The following OPCML variants were observed in gnomAD, a reference collection of about 807,000 sequenced individuals.
OPCML encodes opioid-binding protein/cell adhesion molecule.
A neutral mutation model predicts 37.8 loss-of-function variants in OPCML; 13 were observed. That is an observed-to-expected ratio of 0.34 (90% confidence interval 0.22 to 0.55). The LOEUF (loss-of-function observed/expected upper bound fraction) is 0.55. Ranked by LOEUF, OPCML falls within the 20% of genes least tolerant of loss-of-function variation. The pLI is 0.91. For missense variants in OPCML, 341 were observed against 435.6 expected (o/e 0.78, Z 1.93); for synonymous variants, 176 against 168.8 (o/e 1.04, Z -0.33).
At chr11:133,000,853 G>T (rs569190052) in intron 1 of OPCML, among the ~76,000 whole-genome samples, 1 of 152,182 alleles carries the variant, frequency 6.6e-6, no homozygotes, top group East Asian at 1.9e-4. Context: ...AGTTCTTCAC[G>T]AATGATCTGG....
chr11:133,185,559 G>A (rs1413410543), intron 1 of OPCML, among the ~76,000 whole-genome samples: 3 of 152,202 alleles, frequency 2.0e-5, no homozygotes, highest in African/African-American at 7.2e-5. Context: ...CTTGAGCATA[G>A]GGAATAATCT....
intron 3 of OPCML, among the ~76,000 whole-genome samples, chr11:132,551,300 C>T (rs1427809287): frequency 6.6e-6 from 1 of 152,186 alleles, no homozygotes; most frequent in Non-Finnish European, 1.5e-5. Flanking sequence ...GAGATCTAAC[C>T]TAAGCAACTC....
At chr11:133,179,464 C>G (rs1592078213) in intron 1 of OPCML, among the ~76,000 whole-genome samples, 1 of 152,094 alleles carries the variant, frequency 6.6e-6, no homozygotes, top group Non-Finnish European at 1.5e-5. Context: ...CCTCACCACT[C>G]TACAGGGGAA....
At chr11:133,147,341 T>C (rs1456884693) in intron 1 of OPCML, among the ~76,000 whole-genome samples, 1 of 152,068 alleles carries the variant, frequency 6.6e-6, no homozygotes, top group Admixed American at 6.5e-5. Flanking sequence ...GTTATCACTT[T>C]TGATAGTCTG....
chr11:132,966,554 G>C (rs1313297363), intron 1 of OPCML, among the ~76,000 whole-genome samples: 1 of 151,706 alleles, frequency 6.6e-6, no homozygotes, highest in African/African-American at 2.4e-5. Context: ...CTTCATAGAT[G>C]TCTTTTGGTT....
rs566622893 is a variant in OPCML at position 132,472,037 on chromosome 11, T to C, written c.506-34678A>G. ...AAGATGGTTCTGGAAGGCCCTCCCT[T>C]TTCCTGGTGAACAAATATTCCACAT... On this transcript the variant is annotated intron_variant, in intron 4 of 7. Coordinates refer to ENST00000524381, the MANE Select transcript of OPCML (RefSeq NM_001012393.5). Among the ~76,000 whole-genome samples the C allele has an allele frequency of 2.6e-5, 4 of 152,296 alleles. No individual in the cohort carries two copies. In the East Asian group the frequency reaches 7.7e-4, roughly 29 times the overall value.
chr11:133,091,617 G>C (rs564970527), intron 1 of OPCML, among the ~76,000 whole-genome samples: 1 of 152,218 alleles, frequency 6.6e-6, no homozygotes, highest in South Asian at 2.1e-4. Flanking sequence ...CTAGAGTTTT[G>C]GATTCTCTTG....
intron 3 of OPCML, among the ~76,000 whole-genome samples, chr11:132,643,264 G>A (rs1940961559): frequency 6.6e-6 from 1 of 152,160 alleles, no homozygotes; most frequent in Admixed American, 6.5e-5. Context: ...GTGACAGCGT[G>A]AGACTCCATC....
chr11:132,699,943 A>G (rs941568098), intron 2 of OPCML, among the ~76,000 whole-genome samples: 1 of 152,112 alleles, frequency 6.6e-6, no homozygotes, highest in Non-Finnish European at 1.5e-5. Flanking sequence ...GACATTTAGT[A>G]TAATTCACCA....
intron 2 of OPCML, among the ~76,000 whole-genome samples, chr11:132,744,160 A>G (rs1463624240): frequency 2.6e-5 from 4 of 152,232 alleles, no homozygotes; most frequent in African/African-American, 9.6e-5. Flanking sequence ...AAGAATTTGA[A>G]GACAGAAAAT....
chr11:132,782,925 A>ATATATATATATATATATATATATATG (rs1555188326), intron 2 of OPCML, among the ~76,000 whole-genome samples: 5 of 144,624 alleles, frequency 3.5e-5, no homozygotes, highest in Non-Finnish European at 6.0e-5. Context: ...GTGTATATAT[A>ATATATATATATATATATATATATATG]TATATATATA....
At chr11:132,711,775 G>A (rs1944272379) in intron 2 of OPCML, among the ~76,000 whole-genome samples, 1 of 152,212 alleles carries the variant, frequency 6.6e-6, no homozygotes, top group South Asian at 2.1e-4. Context: ...ATGTATATAT[G>A]TGTATGTGTG....
chr11:132,508,996 G>C (rs529051417), intron 4 of OPCML, among the ~76,000 whole-genome samples: 1 of 152,254 alleles, frequency 6.6e-6, no homozygotes, highest in African/African-American at 2.4e-5. Flanking sequence ...GAAAAGTTTG[G>C]ACCTCCCTAA....
intron 3 of OPCML, among the ~76,000 whole-genome samples, chr11:132,614,416 T>C (rs1940147): frequency 0.12 from 18,447 of 152,092 alleles, 1,917 homozygotes; most frequent in African/African-American, 0.27. Flanking sequence ...CCTGAGAAAA[T>C]AGGCCTTGCT....
chr11:132,628,240 G>T (rs189419943), intron 3 of OPCML, among the ~76,000 whole-genome samples: 1 of 152,054 alleles, frequency 6.6e-6, no homozygotes, highest in Non-Finnish European at 1.5e-5. Context: ...AGAGCCACAC[G>T]GCTCACGTTA....
intron 3 of OPCML, among the ~76,000 whole-genome samples, chr11:132,556,237 C>T: frequency 6.6e-6 from 1 of 152,290 alleles, no homozygotes; most frequent in East Asian, 1.9e-4. Context: ...GCCACTGTGC[C>T]TGACCAAAAA....
intron 4 of OPCML, among the ~76,000 whole-genome samples, chr11:132,445,799 G>A (rs935051508): frequency 5.9e-5 from 9 of 152,166 alleles, no homozygotes; most frequent in African/African-American, 1.9e-4. Context: ...ATGCTCCCAG[G>A]CTTCCTCTGC....
At chr11:132,836,664 T>C (rs1294245146) in intron 2 of OPCML, among the ~76,000 whole-genome samples, 1 of 152,212 alleles carries the variant, frequency 6.6e-6, no homozygotes, top group African/African-American at 2.4e-5. Flanking sequence ...ATATTTGTTC[T>C]ATATTAATAC....
At chr11:132,539,314 A>T (rs182434121) in intron 3 of OPCML, among the ~76,000 whole-genome samples, 84 of 152,296 alleles carry the variant, frequency 5.5e-4, no homozygotes, top group African/African-American at 2.0e-3. Context: ...CAGATGGATC[A>T]GCCTGTGCAA....
Sources: allele counts gnomAD v4.1 joint callset (sites outside exome capture counted in the v4.1 genomes callset), GRCh38; gene constraint gnomAD v4.1.1; transcripts MANE v1.5; gene names NCBI Gene and HGNC (gene_info 2026-07-23, HGNC 2026-07-21).